The following AGBL4 variants were observed in gnomAD, a reference collection of about 807,000 sequenced individuals.
AGBL4 encodes the protein cytosolic carboxypeptidase 6.
Under a neutral mutation model 66.4 loss-of-function variants are expected in AGBL4, and 58 were observed. That is an observed-to-expected ratio of 0.87 (90% confidence interval 0.71 to 1.09). The LOEUF is 1.09. AGBL4 is among the 50% of genes least tolerant of loss of function. AGBL4 has a pLI of 0.00. For missense variants in AGBL4, 579 were observed against 631.0 expected (o/e 0.92, Z 0.88); for synonymous variants, 234 against 222.9 (o/e 1.05, Z -0.44).
At position 49,551,697 on chromosome 1, in the gene AGBL4, G is replaced by A. The variant is rs1170953227; in HGVS notation, c.282+145616C>T. Among the ~76,000 whole-genome samples, 23 of 152,198 alleles carry A rather than the reference G, an allele frequency of 1.5e-4. 1 individual carries two copies. The highest frequency in any genetic ancestry group is 1.5e-3 in the Admixed American group (23 of 15,282). The stretch of plus-strand genomic sequence containing the variant: ...CACCATCACCTGTTCCAGTGGAGGT[G>A]ATAGCGGGGTGTAATGGACTCCATG... On this transcript the variant is annotated intron_variant, in intron 3 of 13. Coordinates refer to ENST00000371839, the MANE Select transcript of AGBL4 (RefSeq NM_032785.4).
At chr1:49,923,163 C>T (rs1652433575) in intron 1 of AGBL4, among the ~76,000 whole-genome samples, 1 of 152,002 alleles carries the variant, frequency 6.6e-6, no homozygotes, top group Admixed American at 6.6e-5. Flanking sequence ...AATAAGACTG[C>T]AAACAAACAA....
At position 49,618,815 on chromosome 1, in the gene AGBL4, C is replaced by T. The variant is rs866000520; in HGVS notation, c.282+78498G>A. Reference sequence around the variant, plus strand: ...TCCCTGGGATGCAAGGCTGGTTCAACGTATGCAAATCAATAAACGTAATAC... The same window carrying T: ...TCCCTGGGATGCAAGGCTGGTTCAATGTATGCAAATCAATAAACGTAATAC... On this transcript the variant is annotated intron_variant, in intron 3 of 13. Coordinates refer to ENST00000371839, the MANE Select transcript of AGBL4 (RefSeq NM_032785.4). 5.9e-5 allele frequency among the ~76,000 whole-genome samples: 9 copies of T among 152,138 alleles called. No individual in the cohort carries two copies. The South Asian group carries it at 6.2e-4, about 11-fold the overall frequency.
At chr1:49,347,252 C>CTTTTTTT (rs35313917) in intron 3 of AGBL4, among the ~76,000 whole-genome samples, 3 of 115,828 alleles carry the variant, frequency 2.6e-5, no homozygotes, top group Admixed American at 9.0e-5. Context: ...TTCTTTCTTT[C>CTTTTTTT]TTTTTTTTTT....
intron 9 of AGBL4, among the ~76,000 whole-genome samples, chr1:48,632,661 A>G (rs1227091515): frequency 6.6e-6 from 1 of 152,234 alleles, no homozygotes; most frequent in East Asian, 1.9e-4. Flanking sequence ...TCTATAAACC[A>G]TATTGCATTT....
chr1:49,569,732 C>T (rs1432083336), intron 3 of AGBL4, among the ~76,000 whole-genome samples: 1 of 152,114 alleles, frequency 6.6e-6, no homozygotes, highest in Non-Finnish European at 1.5e-5. Context: ...TCTCCCACCA[C>T]TGCAATACAC....
intron 3 of AGBL4, among the ~76,000 whole-genome samples, chr1:49,334,785 T>TC: frequency 6.6e-6 from 1 of 152,240 alleles, no homozygotes; most frequent in East Asian, 1.9e-4. Context: ...ATTTTAAAAC[T>TC]CCATTTATAG....
At chr1:49,476,832 G>A (rs1187522593) in intron 3 of AGBL4, among the ~76,000 whole-genome samples, 2 of 152,074 alleles carry the variant, frequency 1.3e-5, no homozygotes, top group Non-Finnish European at 2.9e-5. Context: ...GGGTTGCTCA[G>A]TACACTGAAA....
At chr1:48,564,576 A>G (rs1054778496) in intron 11 of AGBL4, among the ~76,000 whole-genome samples, 2 of 152,086 alleles carry the variant, frequency 1.3e-5, no homozygotes, top group African/African-American at 4.8e-5. Context: ...TCCCCTGCCT[A>G]TCAACTTGTT....
chr1:49,686,524 C>A (rs929366939), intron 3 of AGBL4, among the ~76,000 whole-genome samples: 5 of 152,142 alleles, frequency 3.3e-5, no homozygotes, highest in Non-Finnish European at 7.4e-5. Flanking sequence ...TTTATATAAT[C>A]CCTTAAGTGG....
intron 2 of AGBL4, among the ~76,000 whole-genome samples, chr1:49,745,822 A>C (rs1185987407): frequency 1.3e-5 from 2 of 151,246 alleles, no homozygotes; most frequent in African/African-American, 4.8e-5. Flanking sequence ...AATAATTGAC[A>C]GAAGCAAAAA....
chr1:48,680,515 C>A (rs1646438188), intron 6 of AGBL4, among the ~76,000 whole-genome samples: 1 of 152,218 alleles, frequency 6.6e-6, no homozygotes, highest in Non-Finnish European at 1.5e-5. Flanking sequence ...GCTCTCAACA[C>A]AATCACTCCC....
intron 2 of AGBL4, among the ~76,000 whole-genome samples, chr1:49,821,156 G>A (rs868624595): frequency 6.6e-6 from 1 of 152,090 alleles, no homozygotes; most frequent in Admixed American, 6.6e-5. Context: ...CTTTTAAAAG[G>A]AATAGGTACC....
rs1242745304 is a variant in AGBL4, at chr1:49,417,427, C to T, written c.283-171563G>A. Among the ~76,000 whole-genome samples, 3 of 151,998 alleles carry T rather than the reference C, an allele frequency of 2.0e-5. No homozygotes were observed. The East Asian group carries it at 5.8e-4, about 29-fold the overall frequency. ...TCTTAATATGAGTAAAACAGAAAAA[C>T]AAATCAAAATTCCCTCAACTGATCC... is the stretch of plus-strand genomic sequence containing the variant. On this transcript the variant is annotated intron_variant, in intron 3 of 13. Transcript: ENST00000371839.
chr1:48,860,832 C>G (rs948139399), intron 6 of AGBL4, among the ~76,000 whole-genome samples: 12 of 152,096 alleles, frequency 7.9e-5, no homozygotes, highest in Non-Finnish European at 1.6e-4. Flanking sequence ...AGAAAATTTC[C>G]TTCTCAAAGT....
At chr1:49,405,265 G>A (rs577440836) in intron 3 of AGBL4, among the ~76,000 whole-genome samples, 3 of 152,114 alleles carry the variant, frequency 2.0e-5, no homozygotes, top group Admixed American at 6.5e-5. Context: ...CGTTCTCACC[G>A]GCTCTCCATT....
chr1:49,479,593 A>G (rs1357500706), intron 3 of AGBL4, among the ~76,000 whole-genome samples: 1 of 151,948 alleles, frequency 6.6e-6, no homozygotes, highest in East Asian at 1.9e-4. Flanking sequence ...TGCTAAGGAT[A>G]ACGGTGTCCA....
At chr1:49,046,257 C>T (rs1325644601) in intron 4 of AGBL4, among the ~76,000 whole-genome samples, 1 of 152,090 alleles carries the variant, frequency 6.6e-6, no homozygotes, top group Non-Finnish European at 1.5e-5. Context: ...GACTGTGATG[C>T]TATAGAGATA....
Position 48,723,132 on chromosome 1 carries a change from G to A in AGBL4, c.635-59891C>T, listed in dbSNP as rs1647178150. On this transcript the variant is annotated intron_variant, in intron 6 of 13. Coordinates refer to ENST00000371839, the MANE Select transcript of AGBL4 (RefSeq NM_032785.4). ...CCTGCCACACATGCAAAATGGTGAA[G>A]CAGAATTTGAGCTATTTATTAGTTG... 2.0e-5 allele frequency among the ~76,000 whole-genome samples: 3 copies of A among 152,170 alleles called. No homozygotes were observed. In the South Asian group the frequency reaches 6.2e-4, roughly 32 times the overall value.
intron 1 of AGBL4, among the ~76,000 whole-genome samples, chr1:50,004,297 A>C (rs1660976293): frequency 6.6e-6 from 1 of 152,196 alleles, no homozygotes; most frequent in Non-Finnish European, 1.5e-5. Flanking sequence ...CCTGAGTTCC[A>C]GCAAGCCTCA....
Sources: gnomAD v4.1 joint callset for allele counts (sites outside exome capture counted in the v4.1 genomes callset) on GRCh38, gnomAD v4.1.1 for gene constraint, MANE v1.5 for transcripts, NCBI Gene and HGNC (gene_info 2026-07-23, HGNC 2026-07-21) for gene names.